HSPG2: variants seen among roughly 807,000 people sequenced by gnomAD.
HSPG2 encodes basement membrane-specific heparan sulfate proteoglycan core protein.
A neutral mutation model predicts 526.6 loss-of-function variants in HSPG2; 278 were observed. That is an observed-to-expected ratio of 0.53 (90% CI 0.48 to 0.58). HSPG2 has a LOEUF of 0.58. HSPG2 is among the 20% of genes least tolerant of loss of function. The probability of loss-of-function intolerance (pLI) is 0.00; values close to 1 mark genes in which losing one functional copy is unlikely to be tolerated. For missense variants in HSPG2, 5,354 were observed against 6,099.5 expected (o/e 0.88, Z 4.07); for synonymous variants, 2,465 against 2,555.4 (o/e 0.96, Z 1.07).
chr1:21,883,260 G>T (rs1036780326), intron 13 of HSPG2, among the ~76,000 whole-genome samples: 6 of 152,258 alleles, frequency 3.9e-5, no homozygotes, highest in African/African-American at 1.2e-4. Flanking sequence ...CTCACCAAAT[G>T]GTGGCCACGG....
At position 21,881,440 on chromosome 1, in the gene HSPG2, T is replaced by G; in HGVS notation, c.1717A>C (p.Ile573Leu). Reference protein sequence around the residue: ...TPPLSSTQLQIDPSLHEFQLV... With the variant: ...TPPLSSTQLQLDPSLHEFQLV... ...TGGAACTCGTGCAGGGATGGGTCGA[T>G]CTGCAGCTGCGTGGAGGAGAGGGGT... The change falls in exon 14 of 97, where the codon ATC becomes CTC. Residue 573 changes from isoleucine (I) to leucine (L), a missense_variant. Ile to Leu is a conservative substitution (Grantham distance 5). Coordinates refer to ENST00000374695, the MANE Select transcript of HSPG2 (RefSeq NM_005529.7). 6.2e-7 allele frequency: 1 copy of G among 1,613,692 alleles called. No individual in the cohort carries two copies. Among genetic ancestry groups the G allele is most frequent in the Non-Finnish European group, 8.5e-7 (1 of 1,180,014 alleles).
Position 21,852,899 on chromosome 1 carries a change from G to A in HSPG2, c.6591+20C>T. ...CCCATCCAGCCCCTCCAGCAAGGTG[G>A]TCCCGGGGGGCTGCCATACCTGGTG... On this transcript the variant is annotated intron_variant, in intron 51 of 96. Coordinates refer to ENST00000374695, the MANE Select transcript of HSPG2 (RefSeq NM_005529.7). 1.2e-6 allele frequency: 2 copies of A among 1,612,166 alleles called. No homozygotes were observed. Among genetic ancestry groups the A allele is most frequent in the Non-Finnish European group, 1.7e-6 (2 of 1,179,714 alleles).
chr1:21,851,837 G>A lies in HSPG2; in HGVS notation c.6960C>T (p.Ser2320=). Residue 2320 remains serine (S), a synonymous_variant, in exon 54 of 97, where the codon TCC becomes TCT. Transcript: ENST00000374695. ...VCRASNGMEA[S]ITVTVTGTQG... Reference sequence around the variant, plus strand: ...GGGTCCCAGTTACTGTGACCGTGATGGAGGCCTCCATGCCGTTGCTGGCCC... The same window carrying A: ...GGGTCCCAGTTACTGTGACCGTGATAGAGGCCTCCATGCCGTTGCTGGCCC... The A allele has an allele frequency of 6.2e-7, 1 of 1,613,602 alleles. No homozygotes were observed. Among genetic ancestry groups the A allele is most frequent in the Non-Finnish European group, 8.5e-7 (1 of 1,179,954 alleles).
In HSPG2 at chr1:21,854,878, G is replaced by A. The variant is rs1196730949; in HGVS notation, c.6103C>T (p.Gln2035Ter). Residue 2035 changes from glutamine (Q) to a stop codon, truncating the protein, a stop_gained, in exon 48 of 97, where the codon CAG (glutamine) becomes TAG (stop). Transcript: ENST00000374695. LOFTEE classifies it high-confidence loss of function. ...CVATSPAGTA[Q>*]ARIQVVVLSA... is the part of the protein sequence containing the mutation. Reference sequence around the variant, plus strand: ...AGGACAACCACTTGGATCCGGGCCTGGGCAGTGCCTGCAGGGCTGGTGGCC... The same window carrying A: ...AGGACAACCACTTGGATCCGGGCCTAGGCAGTGCCTGCAGGGCTGGTGGCC... The A allele has an allele frequency of 6.2e-7, 1 of 1,614,124 alleles. No individual in the cohort carries two copies. The highest frequency in any genetic ancestry group is 8.5e-7 in the Non-Finnish European group (1 of 1,180,014).
rs534603170 is a variant in HSPG2, at chr1:21,872,803, G to A, written c.3889-43C>T. On this transcript the variant is annotated intron_variant, in intron 31 of 96. Transcript: ENST00000374695. This position sits in a 1 kb window ranked among gnomAD's most constrained non-coding sequence, Gnocchi z 5.5. ...AGGAGGCAGGCAGGGGACTCAGTGG[G>A]TCTCCTGCACCCCCAGCAGCCTGAG... is the stretch of plus-strand genomic sequence containing the variant. 5 of 1,597,464 alleles carry A rather than the reference G, an allele frequency of 3.1e-6. No homozygotes were observed. The Admixed American group carries it at 5.3e-5, about 17-fold the overall frequency.
At chr1:21,870,093 G>T in intron 33 of HSPG2, 1 of 259,678 alleles carries the variant, frequency 3.9e-6, no homozygotes, top group Non-Finnish European at 6.0e-6. Context: ...GCCTGGCCTG[G>T]CATAGGGGAA....
chr1:21,887,281 C>G lies in HSPG2; in HGVS notation c.1012G>C (p.Ala338Pro). 1.2e-6 allele frequency: 2 copies of G among 1,614,050 alleles called. No homozygotes were observed. The highest frequency in any genetic ancestry group is 2.2e-5 in the South Asian group (2 of 91,078). ...CCATCGCAGCGCCACAGCTTGAGGG[C>G]ACAATGTCCATTCCCGCAGGGGAAC... ...NEFPCGNGHC[A>P]LKLWRCDGDF... The change falls in exon 9 of 97, where the codon GCC becomes CCC. Residue 338 changes from alanine to proline, a missense_variant. By Grantham distance (27) the Ala-to-Pro change is conservative. Coordinates refer to ENST00000374695, the MANE Select transcript of HSPG2 (RefSeq NM_005529.7). The surrounding 1 kb of genome is among the most constrained non-coding windows in gnomAD (Gnocchi z 5.0).
intron 1 of HSPG2, chr1:21,907,989 G>A: frequency 1.6e-6 from 1 of 617,934 alleles, no homozygotes; most frequent in Non-Finnish European, 3.0e-6. Flanking sequence ...GCTGTTGTGA[G>A]GGTTAAATAC....
rs989531732 is a variant in HSPG2 at position 21,898,008 on chromosome 1, G to A, written c.64-1698C>T. Among the ~76,000 whole-genome samples the A allele has an allele frequency of 1.3e-5, 2 of 152,180 alleles. No individual in the cohort carries two copies. The highest frequency in any genetic ancestry group is 4.1e-4 in the South Asian group (2 of 4,834). On this transcript the variant is annotated intron_variant, in intron 1 of 96. Coordinates refer to ENST00000374695, the MANE Select transcript of HSPG2 (RefSeq NM_005529.7). The surrounding 1 kb of genome is among the most constrained non-coding windows in gnomAD (Gnocchi z 4.0). ...CCGTTGGAATGGAAGCACCTTGAAG[G>A]CAAGGGCTGTGATGAATTCATCTCC...
chr1:21,848,336 G>A lies in HSPG2; in HGVS notation c.7738-243C>T, dbSNP rs1638615769. Among the ~76,000 whole-genome samples, 1 of 152,130 alleles carries A rather than the reference G, an allele frequency of 6.6e-6. No individual in the cohort carries two copies. The highest frequency in any genetic ancestry group is 2.4e-5 in the African/African-American group (1 of 41,422). On this transcript the variant is annotated intron_variant, in intron 59 of 96. Transcript: ENST00000374695. The surrounding 1 kb of genome is among the most constrained non-coding windows in gnomAD (Gnocchi z 4.9). Reference sequence around the variant, plus strand: ...GAGTGTTGACACAGTATCCTGCTGGGGCTCCCACAGCCTGCGAGCTGCCTG... The same window carrying A: ...GAGTGTTGACACAGTATCCTGCTGGAGCTCCCACAGCCTGCGAGCTGCCTG...
In HSPG2 at chr1:21,896,276, G is replaced by C. The variant is rs1241101897; in HGVS notation, c.98C>G (p.Ser33Cys). The change falls in exon 2 of 97, where the codon TCT becomes TGT. Residue 33 changes from serine (S) to cysteine (C), a missense_variant. By Grantham distance (112) the Ser-to-Cys change is moderately radical. Transcript: ENST00000374695. ...GACGGTCTCTATGTCCTCAGGCAGA[G>C]ACAAGCCATCGTATGCCCTCAGCCC... is the stretch of plus-strand genomic sequence containing the variant. ...THGLRAYDGLSLPEDIETVTA... is the reference protein window; with the variant it reads ...THGLRAYDGLCLPEDIETVTA... The C allele has an allele frequency of 6.2e-7, 1 of 1,613,960 alleles. No individual in the cohort carries two copies. Among genetic ancestry groups the C allele is most frequent in the Non-Finnish European group, 8.5e-7 (1 of 1,180,032 alleles).
intron 2 of HSPG2, 46 bp from the exon 3 acceptor site, chr1:21,896,012 G>C: frequency 6.2e-7 from 1 of 1,604,640 alleles, no homozygotes; most frequent in East Asian, 2.2e-5. Context: ...AGTATTTGTT[G>C]AGTACCTACT....
At position 21,861,756 on chromosome 1, in the gene HSPG2, C is replaced by G. The variant is rs139944523; in HGVS notation, c.4955+1G>C. 1 of 1,613,940 alleles carries G rather than the reference C, an allele frequency of 6.2e-7. No individual in the cohort carries two copies. Among genetic ancestry groups the G allele is most frequent in the East Asian group, 2.2e-5 (1 of 44,888 alleles). ...CCCCCTACTTCTGTTTACAAACTTA[C>G]TGCTCACAGTACTGGCCAGTGTAGC... On this transcript the variant is annotated splice_donor_variant, in intron 39 of 96. Transcript: ENST00000374695. LOFTEE classifies it high-confidence loss of function.
intron 2 of HSPG2, 95 bp downstream of exon 2, chr1:21,896,080 C>G: frequency 6.2e-7 from 1 of 1,603,188 alleles, no homozygotes; most frequent in Non-Finnish European, 8.5e-7. Flanking sequence ...TGAGAAAGCT[C>G]GGAATGGTCG....
In HSPG2 at chr1:21,834,929, G is replaced by A. The variant is rs1312579278; in HGVS notation, c.10470C>T (p.Leu3490=). The change falls in exon 77 of 97, where the codon CTC becomes CTT. Residue 3490 remains leucine (L), a synonymous_variant. Coordinates refer to ENST00000374695, the MANE Select transcript of HSPG2 (RefSeq NM_005529.7). ...QLVIQALPSV[L]INIRTSVQTV... ...TCTGCACAGAGGTCCGGATGTTGAT[G>A]AGCACCGAGGGCAGGGCTGGGGAGG... The A allele has an allele frequency of 8.7e-6, 14 of 1,612,700 alleles. No individual in the cohort carries two copies. The highest frequency in any genetic ancestry group is 1.7e-5 in the Admixed American group (1 of 60,004).
chr1:21,851,559 G>A lies in HSPG2; in HGVS notation c.7145C>T (p.Pro2382Leu), dbSNP rs1244302848. Residue 2382 changes from proline to leucine, a missense_variant, in exon 55 of 97, where the codon CCT becomes CTT. By Grantham distance (98) the Pro-to-Leu change is moderately conservative (BLOSUM62 -3). Transcript: ENST00000374695. The stretch of plus-strand genomic sequence containing the variant: ...CCAGTCCCATACCTGGTGCCGGACA[G>A]GGAGGCTGCCCCCACGCTTGTGCCA... ...VTWHKRGGSLPVRHQTHGSLL... is the reference protein window; with the variant it reads ...VTWHKRGGSLLVRHQTHGSLL... The A allele has an allele frequency of 2.5e-6, 4 of 1,614,002 alleles. No homozygotes were observed. Among genetic ancestry groups the A allele is most frequent in the Non-Finnish European group, 3.4e-6 (4 of 1,180,050 alleles).
At position 21,841,562 on chromosome 1, in the gene HSPG2, C is replaced by A; in HGVS notation, c.9305G>T (p.Ser3102Ile). The change falls in exon 70 of 97, where the codon AGT becomes ATT. Residue 3102 changes from serine (S) to isoleucine (I), a missense_variant. Ser to Ile is a moderately radical substitution (Grantham distance 142). Coordinates refer to ENST00000374695, the MANE Select transcript of HSPG2 (RefSeq NM_005529.7). The stretch of plus-strand genomic sequence containing the variant: ...ACCGTGCACACTGAGGTTCACCACA[C>A]TCTGGGCCACACCGTAGGCATTGGA... ...VASNAYGVAQ[S>I]VVNLSVHGPP... 1 of 1,614,258 alleles carries A rather than the reference C, an allele frequency of 6.2e-7. No individual in the cohort carries two copies. The highest frequency in any genetic ancestry group is 8.5e-7 in the Non-Finnish European group (1 of 1,180,042).
In HSPG2 at chr1:21,895,652, G is replaced by C. The variant is rs143271207; in HGVS notation, c.244+270C>G. 2.0e-5 allele frequency among the ~76,000 whole-genome samples: 3 copies of C among 152,216 alleles called. No individual in the cohort carries two copies. The highest frequency in any genetic ancestry group is 7.2e-5 in the African/African-American group (3 of 41,448). ...TTGAATGTGAAACAGCTGACTGGCT[G>C]TCAGTCCCCAGCAGAACTGGGCTTT... On this transcript the variant is annotated intron_variant, in intron 3 of 96. Transcript: ENST00000374695. This position sits in a 1 kb window ranked among gnomAD's most constrained non-coding sequence, Gnocchi z 4.1.
Position 21,846,250 on chromosome 1 carries a change from G to A in HSPG2, c.8322C>T (p.Arg2774=), listed in dbSNP as rs761872191. 134 of 1,612,934 alleles carry A rather than the reference G, an allele frequency of 8.3e-5. No homozygotes were observed. Among genetic ancestry groups the A allele is most frequent in the Middle Eastern group, 1.6e-4 (1 of 6,082 alleles). The part of the protein sequence containing the change: ...GGSLPSHHQT[R]GSRLRLHHVS... ...CATGGTGCAGCCGCAGCCGTGAGCC[G>A]CGGGTCTGAATAGGGGACAGGACAG... Residue 2774 remains arginine (R), a synonymous_variant, in exon 64 of 97, where the codon CGC becomes CGT. Coordinates refer to ENST00000374695, the MANE Select transcript of HSPG2 (RefSeq NM_005529.7).
Sources: gnomAD v4.1 joint callset for allele counts (sites outside exome capture counted in the v4.1 genomes callset) on GRCh38, gnomAD v4.1.1 for gene constraint, Gnocchi (gnomAD v3.1) non-coding constraint, MANE v1.5 for transcripts, NCBI Gene and HGNC (gene_info 2026-07-23, HGNC 2026-07-21) for gene names.